HMCN2: variants seen among roughly 807,000 people sequenced by gnomAD.
The protein encoded by HMCN2 is hemicentin 2.
In HMCN2, 325 loss-of-function variants were observed where a neutral mutation model predicts 377.5. That is an observed-to-expected ratio of 0.86 (90% confidence interval 0.79 to 0.94). The LOEUF is 0.94. Among genes scored for constraint, HMCN2 ranks in the 40% least tolerant of loss-of-function variants. The pLI is 0.00. For synonymous variants in HMCN2, 2,007 were observed against 2,046.8 expected (o/e 0.98, Z 0.53); for missense variants, 4,543 against 4,725.3 (o/e 0.96, Z 1.13).
rs549118533 is a variant in HMCN2 at position 130,265,817 on chromosome 9, G to C, written c.-62G>C. 3.5e-6 allele frequency: 1 copy of C among 287,872 alleles called. No homozygotes were observed. Among genetic ancestry groups the C allele is most frequent in the Non-Finnish European group, 6.7e-6 (1 of 148,646 alleles). 17.8% of individuals were successfully genotyped at this position (287,872 alleles called of 1,614,324 possible). A position where few individuals can be genotyped will look rare whatever the true frequency, so the allele number is the denominator to read the frequency against. ...GCCTGCAGCCGCCGTGTGCACCGGG[G>C]CGGCCGGCTAGCTCCGACCTGCGCC... On this transcript the variant is annotated 5_prime_UTR_variant, in exon 1 of 98. Transcript: ENST00000683500.
rs959456600 is a variant in HMCN2 at position 130,432,435 on chromosome 9, A to G, written c.14774A>G (p.Asn4925Ser). 5.2e-6 allele frequency: 8 copies of G among 1,550,886 alleles called. No individual in the cohort carries two copies. The Admixed American group carries it at 1.6e-4, about 30-fold the overall frequency. ...LPSGKNCQDI[N>S]ECEEESIECG... ...CACCAACTTCCCCATCCAGACATCAACGAGTGCGAGGAGGAGAGCATCGAG... is the reference window on the plus strand; with the variant it reads ...CACCAACTTCCCCATCCAGACATCAGCGAGTGCGAGGAGGAGAGCATCGAG... Residue 4925 changes from asparagine (N) to serine (S), a missense_variant, in exon 97 of 98, where the codon AAC (asparagine) becomes AGC (serine). Coordinates refer to ENST00000683500, the MANE Select transcript of HMCN2 (RefSeq NM_001291815.2).
In HMCN2 at chr9:130,418,946, TG is replaced by T; in HGVS notation, c.13138del (p.Glu4380ArgfsTer30). 1 of 1,536,816 alleles carries T rather than the reference TG, an allele frequency of 6.5e-7. No individual in the cohort carries two copies. Among genetic ancestry groups the T allele is most frequent in the South Asian group, 1.2e-5 (1 of 82,536 alleles). ...LRTLPDGSLWLENVETGDAGT... is the reference protein window; with the variant it reads ...LRTLPDGSLWXENVETGDAGT... Reference sequence around the variant, plus strand: ...ACCCTGCCCGATGGGAGCCTGTGGCTGGAGAACGTGGAGACTGGGGATGCAG... The same window carrying T: ...ACCCTGCCCGATGGGAGCCTGTGGCTGAGAACGTGGAGACTGGGGATGCAG... On this transcript the variant is annotated frameshift_variant, in exon 86 of 98. Transcript: ENST00000683500. LOFTEE classifies it high-confidence loss of function.
intron 6 of HMCN2, among the ~76,000 whole-genome samples, chr9:130,296,220 G>A (rs1465791514): frequency 2.0e-5 from 3 of 152,224 alleles, no homozygotes; most frequent in Non-Finnish European, 4.4e-5. Flanking sequence ...CTGCTGCCCT[G>A]GAAGAGTGGG....
intron 15 of HMCN2, among the ~76,000 whole-genome samples, chr9:130,313,194 G>A (rs2131374509): frequency 6.8e-6 from 1 of 147,644 alleles, no homozygotes; most frequent in Non-Finnish European, 1.5e-5. Flanking sequence ...GCCTATCTGG[G>A]TGGCAGCTGT....
chr9:130,281,686 G>T (rs574248786), intron 1 of HMCN2, among the ~76,000 whole-genome samples: 2 of 151,974 alleles, frequency 1.3e-5, no homozygotes, highest in African/African-American at 4.8e-5. Flanking sequence ...CTGAGGTCAG[G>T]AGTTTGAGAC....
chr9:130,309,410 T>G (rs1177915728), intron 14 of HMCN2, among the ~76,000 whole-genome samples: 1 of 144,136 alleles, frequency 6.9e-6, no homozygotes, highest in Non-Finnish European at 1.5e-5. Context: ...AGATACTTGG[T>G]AGGCTGAAGT....
intron 15 of HMCN2, among the ~76,000 whole-genome samples, chr9:130,313,140 G>A (rs1837356001): frequency 6.9e-6 from 1 of 145,952 alleles, no homozygotes; most frequent in South Asian, 2.1e-4. Flanking sequence ...CTGTGGGTCT[G>A]GGGTGAGCTG....
chr9:130,377,001 G>A (rs761511087), intron 52 of HMCN2, among the ~76,000 whole-genome samples: 1 of 152,050 alleles, frequency 6.6e-6, no homozygotes, highest in Non-Finnish European at 1.5e-5. Flanking sequence ...GTTTCACCGT[G>A]TTGGCCAGGT....
intron 61 of HMCN2, among the ~76,000 whole-genome samples, chr9:130,386,789 C>T (rs111898507): frequency 0.18 from 26,837 of 152,260 alleles, 2,892 homozygotes; most frequent in Non-Finnish European, 0.25. Context: ...ACATTACAGG[C>T]GTGAGCCACT....
intron 60 of HMCN2, among the ~76,000 whole-genome samples, chr9:130,386,190 A>T (rs1439832900): frequency 2.0e-5 from 3 of 151,608 alleles, no homozygotes; most frequent in Admixed American, 2.0e-4. Context: ...AGCAAGGGGG[A>T]CCTCTTCCTG....
Position 130,432,555 on chromosome 9 carries a change from G to A in HMCN2, c.14894G>A (p.Gly4965Glu), listed in dbSNP as rs1844826065. The A allele has an allele frequency of 6.5e-7, 1 of 1,550,022 alleles. No homozygotes were observed. Among genetic ancestry groups the A allele is most frequent in the Non-Finnish European group, 8.7e-7 (1 of 1,146,786 alleles). ...PATYRQGPSP[G>E]TCFRRCSQDC... ...ACCTACCGGCAGGGCCCCAGCCCTG[G>A]GTAAGGGCTGAGTTGGCAGGGCCTC... Residue 4965 changes from glycine to glutamate, a missense_variant and splice_region_variant, in exon 97 of 98, where the codon GGG (glycine) becomes GAG (glutamate). Physicochemically the swap from Gly to Glu is moderately conservative, Grantham distance 98. This residue lies in a region of HMCN2 where 1,155 missense variants were observed against 1,157.7 expected (regional missense o/e 1.00). Coordinates refer to ENST00000683500, the MANE Select transcript of HMCN2 (RefSeq NM_001291815.2).
rs1037512150 is a variant in HMCN2 at position 130,409,047 on chromosome 9, A to G, written c.12879+114A>G. 1.3e-4 allele frequency: 83 copies of G among 637,972 alleles called. No individual in the cohort carries two copies. In the African/African-American group the frequency reaches 1.5e-3, roughly 11 times the overall value. 39.5% of individuals were successfully genotyped at this position (637,972 alleles called of 1,614,324 possible). On this transcript the variant is annotated intron_variant, in intron 84 of 97. Transcript: ENST00000683500. ...CCTCTGCTTCTGCAGTGTACAAAGCACCTCCCTGCCCATTCCTCAGATATC... is the reference window on the plus strand; with the variant it reads ...CCTCTGCTTCTGCAGTGTACAAAGCGCCTCCCTGCCCATTCCTCAGATATC...
chr9:130,431,089 C>A, intron 95 of HMCN2: 1 of 536,986 alleles, frequency 1.9e-6, no homozygotes, highest in Non-Finnish European at 3.3e-6. Flanking sequence ...GGGCTGATGC[C>A]TCGGCATTCC....
intron 1 of HMCN2, among the ~76,000 whole-genome samples, chr9:130,284,087 C>A (rs781789195): frequency 6.6e-6 from 1 of 152,224 alleles, no homozygotes; most frequent in Non-Finnish European, 1.5e-5. Flanking sequence ...TGCAGTCAAT[C>A]TTTGTCATTT....
In HMCN2 at chr9:130,369,860, C is replaced by T. The variant is rs1212501011; in HGVS notation, c.7069+9C>T. 7.1e-6 allele frequency: 7 copies of T among 985,832 alleles called. No homozygotes were observed. Among genetic ancestry groups the T allele is most frequent in the East Asian group, 2.3e-4 (2 of 8,836 alleles). 61.1% of individuals were successfully genotyped at this position (985,832 alleles called of 1,614,324 possible). ...TGAGCTCTCCGTACTGGGTGAGGAC[C>T]GGCAGCTGCTGGAGGAGTTGGGCTG... On this transcript the variant is annotated intron_variant, in intron 45 of 97. Transcript: ENST00000683500. This position sits in a 1 kb window ranked among gnomAD's most constrained non-coding sequence, Gnocchi z 4.5.
intron 1 of HMCN2, among the ~76,000 whole-genome samples, chr9:130,275,920 G>T (rs1345258180): frequency 1.3e-5 from 2 of 152,148 alleles, no homozygotes; most frequent in Non-Finnish European, 2.9e-5. Flanking sequence ...GCACGTCCCT[G>T]TCATTCCCAG....
At chr9:130,378,157 G>T (rs1409578755) in intron 53 of HMCN2, among the ~76,000 whole-genome samples, 1 of 151,920 alleles carries the variant, frequency 6.6e-6, no homozygotes, top group Non-Finnish European at 1.5e-5. Context: ...CTGAGTGGCG[G>T]CCTCAATGGT....
Position 130,354,803 on chromosome 9 carries a change from G to C in HMCN2, c.4905G>C (p.Val1635=). Residue 1635 remains valine, a synonymous_variant, in exon 32 of 98, where the codon GTG becomes GTC. Transcript: ENST00000683500. ...AGGGCGCCGGTGGAAGACCATACGT[G>C]GTGAAGGCTGTGGCTGGGAGGCCTG... The part of the protein sequence containing the change: ...TIEGAGGRPY[V]VKAVAGRPVA... 7.7e-7 allele frequency: 1 copy of C among 1,304,154 alleles called. No homozygotes were observed. Among genetic ancestry groups the C allele is most frequent in the Non-Finnish European group, 1.0e-6 (1 of 988,872 alleles). 80.8% of individuals were successfully genotyped at this position (1,304,154 alleles called of 1,614,324 possible).
rs74685004 is a variant in HMCN2 at position 130,423,238 on chromosome 9, A to C, written c.13381+512A>C. Among the ~76,000 whole-genome samples the C allele has an allele frequency of 0.026, 3,952 of 152,226 alleles. 60 individuals are homozygous for C. Among genetic ancestry groups the C allele is most frequent in the African/African-American group, 0.037 (1,542 of 41,536 alleles). Reference sequence around the variant, plus strand: ...TCTCATGTACGGTGTCTGAGCGATGAATGCTCTGAGAGACTTGCAGAGCTT... The same window carrying C: ...TCTCATGTACGGTGTCTGAGCGATGCATGCTCTGAGAGACTTGCAGAGCTT... On this transcript the variant is annotated intron_variant, in intron 87 of 97. Transcript: ENST00000683500. This position sits in a 1 kb window ranked among gnomAD's most constrained non-coding sequence, Gnocchi z 5.5.
Sources: allele counts gnomAD v4.1 joint callset (sites outside exome capture counted in the v4.1 genomes callset), GRCh38; gene constraint gnomAD v4.1.1; regional missense constraint gnomAD v4.1.1; non-coding constraint Gnocchi (gnomAD v3.1); transcripts MANE v1.5; gene names NCBI Gene and HGNC (gene_info 2026-07-23, HGNC 2026-07-21).